CSMD1: variants seen among roughly 807,000 people sequenced by gnomAD.
CSMD1 encodes CUB and Sushi multiple domains 1.
Under a neutral mutation model 417.5 loss-of-function variants are expected in CSMD1, and 213 were observed. That is an observed-to-expected ratio of 0.51 (90% CI 0.46 to 0.57). CSMD1 has a LOEUF of 0.57. Ranked by LOEUF, CSMD1 falls within the 20% of genes least tolerant of loss-of-function variation. The probability of loss-of-function intolerance (pLI) is 0.00; values close to 1 mark genes in which losing one functional copy is unlikely to be tolerated. For synonymous variants in CSMD1, 2,862 were observed against 1,736.8 expected (o/e 1.65, Z -16.11); for missense variants, 6,923 against 4,529.7 (o/e 1.53, Z -15.17).
intron 2 of CSMD1, among the ~76,000 whole-genome samples, chr8:4,483,990 T>C (rs1335933788): frequency 6.6e-6 from 1 of 152,160 alleles, no homozygotes; most frequent in Non-Finnish European, 1.5e-5. Context: ...AGCACAGCCC[T>C]GGGAGAAACA....
chr8:4,044,840 T>C (rs193287740), intron 3 of CSMD1, among the ~76,000 whole-genome samples: 236 of 116,740 alleles, frequency 2.0e-3, no homozygotes, highest in Middle Eastern at 8.9e-3. Flanking sequence ...CACCCCAGGC[T>C]TGTACCATGC....
intron 5 of CSMD1, among the ~76,000 whole-genome samples, chr8:3,802,208 C>T (rs1785000506): frequency 1.3e-5 from 2 of 152,016 alleles, no homozygotes; most frequent in Admixed American, 6.6e-5. Context: ...CTTATCACAC[C>T]TTGTAAATTC....
intron 3 of CSMD1, among the ~76,000 whole-genome samples, chr8:4,354,490 G>A (rs1379320764): frequency 2.6e-5 from 4 of 152,134 alleles, no homozygotes; most frequent in African/African-American, 9.7e-5. Flanking sequence ...GAATGTCAGA[G>A]AGAAAATCAG....
intron 1 of CSMD1, among the ~76,000 whole-genome samples, chr8:4,969,126 G>T (rs1810079658): frequency 6.6e-6 from 1 of 152,074 alleles, no homozygotes. Flanking sequence ...AGGACGAATG[G>T]ATATGTACCT....
intron 5 of CSMD1, among the ~76,000 whole-genome samples, chr8:3,992,821 G>T (rs545231898): frequency 1.3e-5 from 2 of 152,206 alleles, no homozygotes; most frequent in African/African-American, 2.4e-5. Flanking sequence ...AAAACAATTC[G>T]CCCATTTTAA....
rs561330922 is a variant in CSMD1, at chr8:3,072,655, C to T, written c.7474+14442G>A. On this transcript the variant is annotated intron_variant, in intron 49 of 69. Transcript: ENST00000635120. ...TGTGGGCCTCCTTTTAATAGTATCC[C>T]AATTTTAATTAGCACTAGGGAAGCA... Among the ~76,000 whole-genome samples the T allele has an allele frequency of 3.3e-5, 5 of 152,220 alleles. No individual in the cohort carries two copies. In the South Asian group the frequency reaches 8.3e-4, roughly 25 times the overall value.
Position 4,014,934 on chromosome 8 carries a change from T to C in CSMD1, c.611-16824A>G, listed in dbSNP as rs531707357. Among the ~76,000 whole-genome samples, 4 of 152,290 alleles carry C rather than the reference T, an allele frequency of 2.6e-5. No homozygotes were observed. In the South Asian group the frequency reaches 6.2e-4, roughly 24 times the overall value. The stretch of plus-strand genomic sequence containing the variant: ...ATTATTTTTTAAGCCTGTTACAAGA[T>C]TGTATGGGATGAGATAACGTGAATG... On this transcript the variant is annotated intron_variant, in intron 4 of 69. Transcript: ENST00000635120.
intron 1 of CSMD1, among the ~76,000 whole-genome samples, chr8:4,771,460 C>G (rs972558766): frequency 1.3e-5 from 2 of 152,200 alleles, no homozygotes; most frequent in African/African-American, 2.4e-5. Context: ...AATACACATC[C>G]TCCGTGCGAA....
intron 1 of CSMD1, among the ~76,000 whole-genome samples, chr8:4,745,366 T>C (rs1182068567): frequency 6.6e-6 from 1 of 152,206 alleles, no homozygotes; most frequent in Non-Finnish European, 1.5e-5. Context: ...ACAAATGATT[T>C]AGTAACAGCA....
chr8:4,290,760 T>A (rs59693196), intron 3 of CSMD1, among the ~76,000 whole-genome samples: 1 of 152,202 alleles, frequency 6.6e-6, no homozygotes, highest in Non-Finnish European at 1.5e-5. Context: ...CATTTAGGAT[T>A]TCTATTCTGT....
chr8:4,249,885 C>T (rs1303683415), intron 3 of CSMD1, among the ~76,000 whole-genome samples: 1 of 152,078 alleles, frequency 6.6e-6, no homozygotes, highest in Non-Finnish European at 1.5e-5. Flanking sequence ...ACTAAATCCC[C>T]AATGAGGCAG....
At chr8:4,495,649 T>C (rs1231862269) in intron 2 of CSMD1, among the ~76,000 whole-genome samples, 1 of 152,094 alleles carries the variant, frequency 6.6e-6, no homozygotes, top group African/African-American at 2.4e-5. Flanking sequence ...TGTGGAAGAA[T>C]AGATGAGATA....
At chr8:4,209,761 C>G (rs570842014) in intron 3 of CSMD1, among the ~76,000 whole-genome samples, 4 of 152,318 alleles carry the variant, frequency 2.6e-5, no homozygotes, top group East Asian at 1.9e-4. Context: ...CAGGACTACA[C>G]CATAGGCCAT....
At chr8:4,140,697 A>C (rs1585403817) in intron 3 of CSMD1, among the ~76,000 whole-genome samples, 1 of 150,330 alleles carries the variant, frequency 6.7e-6, no homozygotes, top group Admixed American at 6.6e-5. Context: ...AGAGTAGAAA[A>C]CCCATGGATG....
At chr8:4,077,807 T>A (rs1270345111) in intron 3 of CSMD1, among the ~76,000 whole-genome samples, 1 of 152,204 alleles carries the variant, frequency 6.6e-6, no homozygotes, top group Non-Finnish European at 1.5e-5. Context: ...TCTCACTCTG[T>A]TCCATGGGAA....
rs1304420518 is a variant in CSMD1, at chr8:3,343,286, T to C, written c.3631+8A>G. On this transcript the variant is annotated splice_region_variant and intron_variant, in intron 23 of 69. Transcript: ENST00000635120. ...AAAAAGAACGTGATTAAGTCGTATGTTACTTACTGGTATAGGTGAGTTGAA... is the reference window on the plus strand; with the variant it reads ...AAAAAGAACGTGATTAAGTCGTATGCTACTTACTGGTATAGGTGAGTTGAA... The C allele has an allele frequency of 4.3e-6, 7 of 1,611,500 alleles. No homozygotes were observed. The highest frequency in any genetic ancestry group is 5.9e-6 in the Non-Finnish European group (7 of 1,177,808).
intron 21 of CSMD1, among the ~76,000 whole-genome samples, chr8:3,353,294 G>A (rs1165517306): frequency 6.6e-6 from 1 of 152,170 alleles, no homozygotes; most frequent in African/African-American, 2.4e-5. Context: ...CATGTCTTCT[G>A]ACTTAATTCC....
chr8:4,507,499 C>T (rs1290313523), intron 2 of CSMD1, among the ~76,000 whole-genome samples: 2 of 152,048 alleles, frequency 1.3e-5, no homozygotes, highest in Non-Finnish European at 2.9e-5. Context: ...AGAGTCTAAC[C>T]CTCTAGAGGC....
At chr8:3,163,236 T>C (rs2129040762) in intron 37 of CSMD1, among the ~76,000 whole-genome samples, 1 of 152,316 alleles carries the variant, frequency 6.6e-6, no homozygotes, top group East Asian at 1.9e-4. Context: ...GAAGAAATAG[T>C]GGAGAAAGGC....
Sources: gnomAD v4.1 joint callset for allele counts (sites outside exome capture counted in the v4.1 genomes callset) on GRCh38, gnomAD v4.1.1 for gene constraint, MANE v1.5 for transcripts, NCBI Gene and HGNC (gene_info 2026-07-23, HGNC 2026-07-21) for gene names.